The following GOLM1 variants were observed in gnomAD, a reference collection of about 807,000 sequenced individuals.
GOLM1 encodes the protein golgi membrane protein 1.
Under a neutral mutation model 50.5 loss-of-function variants are expected in GOLM1, and 31 were observed. The observed-to-expected ratio is 0.61, with a 90% CI of 0.46 to 0.83. The LOEUF is 0.83. GOLM1 is among the 40% of genes least tolerant of loss of function. The probability of loss-of-function intolerance (pLI) is 0.00; values close to 1 mark genes in which losing one functional copy is unlikely to be tolerated. For synonymous variants in GOLM1, 178 were observed against 192.8 expected (o/e 0.92, Z 0.64); for missense variants, 491 against 501.3 (o/e 0.98, Z 0.20).
Position 86,077,484 on chromosome 9 carries a change from C to A in GOLM1, c.237G>T (p.Glu79Asp), listed in dbSNP as rs747637132. The A allele has an allele frequency of 6.2e-7, 1 of 1,614,048 alleles. No individual in the cohort carries two copies. Among genetic ancestry groups the A allele is most frequent in the Admixed American group, 1.7e-5 (1 of 60,030 alleles). Reference sequence around the variant, plus strand: ...GGCTGGACTGGATTTTGTCAAGCTGCTCCCGCTGCTTCTCCAGCTCTCCCT... The same window carrying A: ...GGCTGGACTGGATTTTGTCAAGCTGATCCCGCTGCTTCTCCAGCTCTCCCT... ...EFQGELEKQR[E>D]QLDKIQSSHN... Residue 79 changes from glutamate (E) to aspartate (D), a missense_variant, in exon 3 of 10, where the codon GAG becomes GAT. Transcript: ENST00000388712.
intron 1 of GOLM1, among the ~76,000 whole-genome samples, chr9:86,086,837 G>C (rs1834988007): frequency 6.6e-6 from 1 of 152,138 alleles, no homozygotes; most frequent in African/African-American, 2.4e-5. Context: ...CCAGTACCAT[G>C]CTGTTTTGGT....
In GOLM1 at chr9:86,027,475, G is replaced by C. The variant is rs1832820496; in HGVS notation, c.*342C>G. ...ACAGCAGATGGACTCTTCTATAGGT[G>C]GCTGTTAATTTACACAAAGTTATAT... On this transcript the variant is annotated 3_prime_UTR_variant, in exon 10 of 10. Coordinates refer to ENST00000388712, the MANE Select transcript of GOLM1 (RefSeq NM_016548.4). The C allele has an allele frequency of 3.7e-6, 4 of 1,095,268 alleles. No homozygotes were observed. Among genetic ancestry groups the C allele is most frequent in the Non-Finnish European group, 4.4e-6 (4 of 899,266 alleles). The allele number at this position is 1,095,268 out of a possible 1,614,324, so 67.8% of individuals were successfully genotyped here. A position where few individuals can be genotyped will look rare whatever the true frequency, so the allele number is the denominator to read the frequency against.
At chr9:86,044,072 C>T (rs1587703996) in intron 5 of GOLM1, among the ~76,000 whole-genome samples, 1 of 152,194 alleles carries the variant, frequency 6.6e-6, no homozygotes, top group African/African-American at 2.4e-5. Context: ...CCAGATAAAA[C>T]GTGACTGTGG....
Position 86,027,367 on chromosome 9 carries a change from G to A in GOLM1, c.*450C>T. On this transcript the variant is annotated 3_prime_UTR_variant, in exon 10 of 10. Coordinates refer to ENST00000388712, the MANE Select transcript of GOLM1 (RefSeq NM_016548.4). Reference sequence around the variant, plus strand: ...AAGAGCATTAGCCAGACTTTTCAGTGAGAACAGGTAACAGGCTGGCACCAG... The same window carrying A: ...AAGAGCATTAGCCAGACTTTTCAGTAAGAACAGGTAACAGGCTGGCACCAG... The A allele has an allele frequency of 2.0e-6, 2 of 989,144 alleles. No homozygotes were observed. Among genetic ancestry groups the A allele is most frequent in the Non-Finnish European group, 2.4e-6 (2 of 832,574 alleles). The allele number at this position is 989,144 out of a possible 1,614,324, so 61.3% of individuals were successfully genotyped here.
At position 86,094,524 on chromosome 9, in the gene GOLM1, T is replaced by C. The variant is rs113347816; in HGVS notation, c.-22+4887A>G. Among the ~76,000 whole-genome samples the C allele has an allele frequency of 7.2e-3, 1,100 of 152,284 alleles. 10 individuals carry two copies. The highest frequency in any genetic ancestry group is 0.023 in the African/African-American group (963 of 41,566). ...GATTAAAACTTTTAAAATGAATGTATAGTGGTAGGTAGTAGAAACACCAAA... is the reference window on the plus strand; with the variant it reads ...GATTAAAACTTTTAAAATGAATGTACAGTGGTAGGTAGTAGAAACACCAAA... On this transcript the variant is annotated intron_variant, in intron 1 of 9. Coordinates refer to ENST00000388712, the MANE Select transcript of GOLM1 (RefSeq NM_016548.4).
chr9:86,033,481 C>A, intron 8 of GOLM1, 86 bp from the exon 9 acceptor site: 1 of 802,834 alleles, frequency 1.2e-6, no homozygotes. Context: ...TGGGGGTTAG[C>A]CATACTTGCT....
intron 9 of GOLM1, among the ~76,000 whole-genome samples, chr9:86,031,071 G>A (rs73476946): frequency 0.062 from 9,453 of 152,194 alleles, 962 homozygotes; most frequent in African/African-American, 0.21. Context: ...TTAGCTGGAC[G>A]TGGTGGCGTG....
rs1343139061 is a variant in GOLM1, at chr9:86,077,531, C to T, written c.190G>A (p.Glu64Lys). 1 of 1,613,466 alleles carries T rather than the reference C, an allele frequency of 6.2e-7. No individual in the cohort carries two copies. The highest frequency in any genetic ancestry group is 1.3e-5 in the African/African-American group (1 of 75,052). Residue 64 changes from glutamate (E) to lysine (K), a missense_variant, in exon 3 of 10, where the codon GAG (glutamate) becomes AAG (lysine). By Grantham distance (56) the Glu-to-Lys change is moderately conservative (BLOSUM62 1). Transcript: ENST00000388712. Reference protein sequence around the residue: ...RRAAAERGAVELKKNEFQGEL... With the variant: ...RRAAAERGAVKLKKNEFQGEL... The stretch of plus-strand genomic sequence containing the variant: ...CCCTGGAACTCGTTCTTCTTCAGCT[C>T]CACGGCGCCTCTCTCTGCAGCCGCC...
At chr9:86,038,000 C>T (rs1833203353) in intron 6 of GOLM1, among the ~76,000 whole-genome samples, 3 of 151,774 alleles carry the variant, frequency 2.0e-5, no homozygotes, top group Admixed American at 6.6e-5. Context: ...CTAAAAAATA[C>T]AAAATTAGCC....
In GOLM1 at chr9:86,077,463, G is replaced by A. The variant is rs1834653745; in HGVS notation, c.258C>T (p.Ser86=). 6.2e-7 allele frequency: 1 copy of A among 1,613,962 alleles called. No individual in the cohort carries two copies. Among genetic ancestry groups the A allele is most frequent in the Non-Finnish European group, 8.5e-7 (1 of 1,179,922 alleles). ...KQREQLDKIQ[S]SHNFQLESVN... The stretch of plus-strand genomic sequence containing the variant: ...CGCTCTCCAGCTGGAAGTTGTGGCT[G>A]GACTGGATTTTGTCAAGCTGCTCCC... The change falls in exon 3 of 10, where the codon TCC becomes TCT. Residue 86 remains serine, a synonymous_variant. Coordinates refer to ENST00000388712, the MANE Select transcript of GOLM1 (RefSeq NM_016548.4).
At chr9:86,079,119 C>T (rs1834710239) in intron 2 of GOLM1, 73 bp downstream of exon 2, 3 of 1,353,380 alleles carry the variant, frequency 2.2e-6, no homozygotes, top group South Asian at 1.5e-5. Flanking sequence ...CAACAAACCC[C>T]TGGGACCCCA....
chr9:86,027,850 A>C lies in GOLM1; in HGVS notation c.1173T>G (p.Leu391=), dbSNP rs778486055. ...TATGATTCCGCTTTTCACGCTGATCAAGTAAATTTATGGTGTCTCTTTTCT... is the reference window on the plus strand; with the variant it reads ...TATGATTCCGCTTTTCACGCTGATCCAGTAAATTTATGGTGTCTCTTTTCT... ...EDQKRDTINL[L]DQREKRNHTL The change falls in exon 10 of 10, where the codon CTT becomes CTG. Residue 391 remains leucine (L), a synonymous_variant. Transcript: ENST00000388712. 6.2e-7 allele frequency: 1 copy of C among 1,612,286 alleles called. No individual in the cohort carries two copies. The highest frequency in any genetic ancestry group is 8.5e-7 in the Non-Finnish European group (1 of 1,178,414).
intron 4 of GOLM1, among the ~76,000 whole-genome samples, chr9:86,047,430 T>C (rs1408217944): frequency 6.6e-6 from 1 of 152,074 alleles, no homozygotes; most frequent in African/African-American, 2.4e-5. Flanking sequence ...TGAATTACGA[T>C]ACACACAACA....
chr9:86,056,523 T>G (rs1200661133), intron 3 of GOLM1, among the ~76,000 whole-genome samples: 1 of 119,342 alleles, frequency 8.4e-6, no homozygotes, highest in Non-Finnish European at 1.8e-5. Flanking sequence ...TTTTTTTTTT[T>G]TGAGACGAAG....
intron 6 of GOLM1, among the ~76,000 whole-genome samples, chr9:86,037,364 G>A (rs1833178378): frequency 6.6e-6 from 1 of 151,726 alleles, no homozygotes; most frequent in Non-Finnish European, 1.5e-5. Flanking sequence ...CTTGAACCTG[G>A]GAGGTGGAGG....
chr9:86,051,327 G>T (rs2118724820), intron 4 of GOLM1, among the ~76,000 whole-genome samples: 1 of 152,340 alleles, frequency 6.6e-6, no homozygotes, highest in East Asian at 1.9e-4. Flanking sequence ...GTGCTGAGAA[G>T]AATGTATATT....
intron 8 of GOLM1, among the ~76,000 whole-genome samples, chr9:86,034,713 T>A (rs1191824612): frequency 6.6e-6 from 1 of 152,152 alleles, no homozygotes; most frequent in African/African-American, 2.4e-5. Flanking sequence ...ATAAGTGTAT[T>A]CTCCAACTTC....
chr9:86,078,316 C>T (rs1242129532), intron 2 of GOLM1, among the ~76,000 whole-genome samples: 1 of 152,142 alleles, frequency 6.6e-6, no homozygotes, highest in Non-Finnish European at 1.5e-5. Context: ...AAAACGATTG[C>T]AATAGGAGAG....
chr9:86,033,527 G>A (rs1170448459), intron 8 of GOLM1, 132 bp from the exon 9 acceptor site: 2 of 636,546 alleles, frequency 3.1e-6, no homozygotes, highest in South Asian at 1.9e-5. Context: ...TCTGGAAATG[G>A]TAGGGACGCA....
Sources: gnomAD v4.1 joint callset for allele counts (sites outside exome capture counted in the v4.1 genomes callset) on GRCh38, gnomAD v4.1.1 for gene constraint, MANE v1.5 for transcripts, NCBI Gene and HGNC (gene_info 2026-07-23, HGNC 2026-07-21) for gene names.